Variants in BRK1 observed in about 807,000 individuals in gnomAD.
BRK1 encodes the protein BRICK1 subunit of SCAR/WAVE actin nucleating complex, also known as protein BRICK1.
A neutral mutation model predicts 9.9 loss-of-function variants in BRK1; 6 were observed. That is an observed-to-expected ratio of 0.60 (90% confidence interval 0.33 to 1.19). The LOEUF (loss-of-function observed/expected upper bound fraction) is 1.19, where lower values mean the gene tolerates loss of function less well. BRK1 is among the 50% of genes most tolerant of loss of function. The pLI is 0.04. For missense variants in BRK1, 62 were observed against 97.5 expected, an observed-to-expected ratio of 0.64 and a Z score of 1.53; for synonymous variants, 44 against 31.9, an observed-to-expected ratio of 1.38 and a Z score of -1.28.
At chr3:10,117,307 T>C (rs561796612) in intron 1 of BRK1, among the ~76,000 whole-genome samples, 1 of 152,232 alleles carries the variant, frequency 6.6e-6, no homozygotes, top group South Asian at 2.1e-4. Flanking sequence ...AGATATCAGC[T>C]TGGATATTTT....
At chr3:10,125,239 G>A (rs1281338363) in intron 1 of BRK1, among the ~76,000 whole-genome samples, 1 of 152,096 alleles carries the variant, frequency 6.6e-6, no homozygotes. Flanking sequence ...AAGTAGCTGG[G>A]ATTACAGGCA....
At chr3:10,126,217 C>T (rs777647053) in intron 2 of BRK1, 52 bp from the exon 3 acceptor site, 2 of 1,349,982 alleles carry the variant, frequency 1.5e-6, no homozygotes, top group Non-Finnish European at 2.0e-6. Flanking sequence ...TTTTTAGACC[C>T]CTCTAATCTT....
chr3:10,125,413 C>T (rs976685563), intron 1 of BRK1, among the ~76,000 whole-genome samples: 2 of 152,046 alleles, frequency 1.3e-5, no homozygotes, highest in South Asian at 2.1e-4. Flanking sequence ...CAGGAAAGGA[C>T]GTTTTTGTGG....
chr3:10,124,441 A>AGAGT (rs1030111935), intron 1 of BRK1, among the ~76,000 whole-genome samples: 40 of 152,104 alleles, frequency 2.6e-4, no homozygotes, highest in African/African-American at 9.4e-4. Context: ...GCCTGGAAAC[A>AGAGT]GAGTGAGACT....
chr3:10,124,036 C>T (rs557849681), intron 1 of BRK1, among the ~76,000 whole-genome samples: 21 of 152,046 alleles, frequency 1.4e-4, no homozygotes, highest in Admixed American at 6.5e-5. Flanking sequence ...CGCCCAGCCT[C>T]GTTTCTTTCC....
rs1159094529 is a variant in BRK1, at chr3:10,115,699, G to T, written c.-3G>T. 6.2e-7 allele frequency: 1 copy of T among 1,613,258 alleles called. No individual in the cohort carries two copies. The highest frequency in any genetic ancestry group is 1.7e-5 in the Admixed American group (1 of 60,026). On this transcript the variant is annotated 5_prime_UTR_variant, in exon 1 of 3. Transcript: ENST00000530758. ...CGCAGTCGCTCTTCCTCAGGCGGCG[G>T]CCATGGCGGGACAGGAGGATCCGGT... is the stretch of plus-strand genomic sequence containing the variant.
intron 1 of BRK1, among the ~76,000 whole-genome samples, chr3:10,117,486 T>C (rs551399071): frequency 1.3e-5 from 2 of 149,154 alleles, no homozygotes; most frequent in East Asian, 4.0e-4. Context: ...CTCTTCCTCC[T>C]GGATTCAAAT....
intron 1 of BRK1, among the ~76,000 whole-genome samples, chr3:10,122,331 T>C (rs1695769244): frequency 6.6e-6 from 1 of 152,172 alleles, no homozygotes; most frequent in Admixed American, 6.6e-5. Context: ...TAAATAGTAG[T>C]GATGCACATT....
At chr3:10,116,844 T>C (rs1184141262) in intron 1 of BRK1, among the ~76,000 whole-genome samples, 1 of 152,152 alleles carries the variant, frequency 6.6e-6, no homozygotes, top group Non-Finnish European at 1.5e-5. Context: ...AAGAACCACT[T>C]CCTACATTCA....
At chr3:10,123,290 G>C (rs896323536) in intron 1 of BRK1, among the ~76,000 whole-genome samples, 6 of 152,082 alleles carry the variant, frequency 3.9e-5, no homozygotes, top group African/African-American at 1.4e-4. Context: ...GGGCTTTATC[G>C]GGTATTTGAT....
At chr3:10,125,161 G>C (rs111560858) in intron 1 of BRK1, among the ~76,000 whole-genome samples, 1 of 151,972 alleles carries the variant, frequency 6.6e-6, no homozygotes, top group Non-Finnish European at 1.5e-5. Context: ...GGAGTGAAGT[G>C]GCGAGATCTT....
chr3:10,123,941 G>A (rs1468361623), intron 1 of BRK1, among the ~76,000 whole-genome samples: 1 of 151,008 alleles, frequency 6.6e-6, no homozygotes, highest in Non-Finnish European at 1.5e-5. Context: ...CACCATGTTA[G>A]CCAGGCTGGT....
chr3:10,126,217 C>A, intron 2 of BRK1, 52 bp from the exon 3 acceptor site: 1 of 1,349,982 alleles, frequency 7.4e-7, no homozygotes, highest in South Asian at 1.5e-5. Context: ...TTTTTAGACC[C>A]CTCTAATCTT....
intron 1 of BRK1, among the ~76,000 whole-genome samples, chr3:10,118,269 A>T (rs1431307907): frequency 1.3e-5 from 2 of 151,828 alleles, no homozygotes; most frequent in Non-Finnish European, 2.9e-5. Context: ...AAAAAAAAAA[A>T]AGATTGACAC....
chr3:10,118,926 T>C (rs550329759), intron 1 of BRK1, among the ~76,000 whole-genome samples: 2 of 152,280 alleles, frequency 1.3e-5, no homozygotes, highest in East Asian at 3.9e-4. Flanking sequence ...AGGAAGACAA[T>C]GAGGATGAAG....
At chr3:10,122,473 A>G (rs1695770340) in intron 1 of BRK1, among the ~76,000 whole-genome samples, 1 of 152,128 alleles carries the variant, frequency 6.6e-6, no homozygotes, top group African/African-American at 2.4e-5. Flanking sequence ...TGAGAGGCCA[A>G]GGCAGGTGGA....
chr3:10,117,109 G>C (rs1294957365), intron 1 of BRK1, among the ~76,000 whole-genome samples: 2 of 152,114 alleles, frequency 1.3e-5, no homozygotes, highest in Non-Finnish European at 2.9e-5. Flanking sequence ...AATTAGTTGG[G>C]CATGGTCATG....
intron 1 of BRK1, among the ~76,000 whole-genome samples, chr3:10,119,909 G>A (rs1284124133): frequency 6.6e-6 from 1 of 152,116 alleles, no homozygotes; most frequent in Non-Finnish European, 1.5e-5. Flanking sequence ...TGCCTGGTGT[G>A]TGTCAGATGC....
chr3:10,119,186 G>A (rs1436146492), intron 1 of BRK1, among the ~76,000 whole-genome samples: 3 of 151,424 alleles, frequency 2.0e-5, no homozygotes, highest in African/African-American at 7.3e-5. Context: ...GCCAGGCACA[G>A]TGGCTCATGC....
Sources: gnomAD v4.1 joint callset for allele counts (sites outside exome capture counted in the v4.1 genomes callset) on GRCh38, gnomAD v4.1.1 for gene constraint, MANE v1.5 for transcripts, NCBI Gene and HGNC (gene_info 2026-07-23, HGNC 2026-07-21) for gene names.